IQCM: variants seen among roughly 807,000 people sequenced by gnomAD.
The protein encoded by IQCM is IQ domain-containing protein M.
In IQCM, 45 loss-of-function variants were observed where a neutral mutation model predicts 57.6. The ratio of observed to expected loss-of-function variants is 0.78; its 90% CI spans 0.62 to 1.00. The LOEUF (loss-of-function observed/expected upper bound fraction) is 1.00. Ranked by LOEUF, IQCM falls within the 50% of genes least tolerant of loss-of-function variation. The pLI, the probability that IQCM is intolerant of heterozygous loss-of-function variation, is 0.00. For missense variants in IQCM, 468 were observed against 511.6 expected (o/e 0.91, Z 0.82); for synonymous variants, 148 against 158.9 (o/e 0.93, Z 0.51).
chr4:149,735,286 A>T, intron 4 of IQCM, 90 bp downstream of exon 4: 1 of 530,064 alleles, frequency 1.9e-6, no homozygotes. Context: ...TTATTCTATC[A>T]TATCTTAGGG....
chr4:149,493,106 G>A (rs565324866), intron 12 of IQCM, among the ~76,000 whole-genome samples: 2 of 152,180 alleles, frequency 1.3e-5, no homozygotes, highest in South Asian at 4.1e-4. Context: ...GGTTAACCAG[G>A]ATCACCCATG....
At chr4:149,812,861 C>G (rs1774713343) in intron 2 of IQCM, among the ~76,000 whole-genome samples, 1 of 152,122 alleles carries the variant, frequency 6.6e-6, no homozygotes, top group Admixed American at 6.6e-5. Context: ...GGTGACAATG[C>G]AGACCTCTCT....
At chr4:149,699,306 C>G (rs1763578828) in intron 5 of IQCM, among the ~76,000 whole-genome samples, 1 of 151,794 alleles carries the variant, frequency 6.6e-6, no homozygotes, top group Non-Finnish European at 1.5e-5. Context: ...ACACTCTTCC[C>G]CAAAAAAGGA....
At chr4:149,508,941 C>T (rs530399250) in intron 12 of IQCM, among the ~76,000 whole-genome samples, 10 of 152,206 alleles carry the variant, frequency 6.6e-5, no homozygotes, top group South Asian at 2.1e-4. Flanking sequence ...CTCAGGAGAT[C>T]GGATGGTTTT....
chr4:149,768,953 T>C (rs1324245198), intron 2 of IQCM, among the ~76,000 whole-genome samples: 3 of 152,118 alleles, frequency 2.0e-5, no homozygotes, highest in African/African-American at 7.2e-5. Flanking sequence ...ACATTTAAGC[T>C]ATCTGAGGTA....
intron 7 of IQCM, among the ~76,000 whole-genome samples, chr4:149,662,606 T>C (rs1179189803): frequency 6.6e-6 from 1 of 152,044 alleles, no homozygotes; most frequent in Non-Finnish European, 1.5e-5. Flanking sequence ...GGTGAATATA[T>C]ATTTACAATT....
At chr4:149,667,421 T>G (rs543347574) in intron 7 of IQCM, among the ~76,000 whole-genome samples, 1 of 152,068 alleles carries the variant, frequency 6.6e-6, no homozygotes, top group South Asian at 2.1e-4. Flanking sequence ...AAACCCTATC[T>G]GAAGGTCACC....
intron 9 of IQCM, among the ~76,000 whole-genome samples, chr4:149,577,457 A>G (rs780574198): frequency 2.0e-5 from 3 of 152,022 alleles, no homozygotes; most frequent in Non-Finnish European, 4.4e-5. Context: ...ATAGCTAGGC[A>G]ATTATCCCAG....
chr4:149,383,848 G>A (rs918472481), intron 13 of IQCM, among the ~76,000 whole-genome samples: 18 of 152,058 alleles, frequency 1.2e-4, no homozygotes, highest in Non-Finnish European at 4.4e-5. Flanking sequence ...GCTAATTCAG[G>A]AGGCTGAGGC....
At chr4:149,690,862 C>G (rs939147199) in intron 5 of IQCM, 1 of 152,050 alleles carries the variant, frequency 6.6e-6, no homozygotes, top group African/African-American at 2.4e-5. Context: ...GCAACTTTCC[C>G]AAGATCCTTT....
chr4:149,784,733 TC>T (rs1158463152), intron 2 of IQCM, among the ~76,000 whole-genome samples: 1 of 152,128 alleles, frequency 6.6e-6, no homozygotes, highest in Non-Finnish European at 1.5e-5. Context: ...GTAAATCTTA[TC>T]CCCAACCAAT....
At position 149,691,020 on chromosome 4, in the gene IQCM, T is replaced by G. The variant is rs573994209; in HGVS notation, c.386-4552A>C. On this transcript the variant is annotated intron_variant, in intron 5 of 13. Transcript: ENST00000636793. ...ACTATAAAGCTCAGAGGACACACTT[T>G]ATATAAAGACACGTGGTATGTTAAG... 3.9e-5 allele frequency: 6 copies of G among 152,266 alleles called. No individual in the cohort carries two copies. The East Asian group carries it at 1.2e-3, about 29-fold the overall frequency. 9.4% of individuals were successfully genotyped at this position (152,266 alleles called of 1,614,324 possible). A position where few individuals can be genotyped will look rare whatever the true frequency, so the allele number is the denominator to read the frequency against.
At chr4:149,728,227 C>G (rs1160288696) in intron 5 of IQCM, among the ~76,000 whole-genome samples, 1 of 152,230 alleles carries the variant, frequency 6.6e-6, no homozygotes, top group Non-Finnish European at 1.5e-5. Context: ...GCAATTGCCT[C>G]AAACTTCCCA....
chr4:149,471,944 T>A (rs1739605234), intron 12 of IQCM, among the ~76,000 whole-genome samples: 1 of 152,140 alleles, frequency 6.6e-6, no homozygotes, highest in South Asian at 2.1e-4. Context: ...AGACTCTCAA[T>A]AAACTAGGTA....
chr4:149,408,206 T>C (rs954926983), intron 13 of IQCM, among the ~76,000 whole-genome samples: 1 of 152,178 alleles, frequency 6.6e-6, no homozygotes, highest in Non-Finnish European at 1.5e-5. Flanking sequence ...GAAAACCAGG[T>C]ATTTTTCTAC....
intron 12 of IQCM, among the ~76,000 whole-genome samples, chr4:149,450,956 TAA>T (rs890430671): frequency 4.0e-5 from 6 of 151,698 alleles, no homozygotes; most frequent in African/African-American, 1.5e-4. Flanking sequence ...AAAATTTGGC[TAA>T]GTGTCCATTA....
intron 13 of IQCM, among the ~76,000 whole-genome samples, chr4:149,359,259 T>G (rs1247956947): frequency 1.3e-5 from 2 of 152,178 alleles, no homozygotes; most frequent in African/African-American, 4.8e-5. Context: ...TAACCCATAG[T>G]GTGTTACAAT....
intron 12 of IQCM, among the ~76,000 whole-genome samples, chr4:149,472,104 T>C (rs1739629624): frequency 6.6e-6 from 1 of 152,166 alleles, no homozygotes; most frequent in African/African-American, 2.4e-5. Flanking sequence ...TAACATAGTG[T>C]TGGAAGTTCT....
chr4:149,776,516 C>T (rs900753573), intron 2 of IQCM, among the ~76,000 whole-genome samples: 1 of 152,074 alleles, frequency 6.6e-6, no homozygotes. Context: ...TCTATAATCA[C>T]AACTTGAAAG....
Sources: gnomAD v4.1 joint callset for allele counts (sites outside exome capture counted in the v4.1 genomes callset) on GRCh38, gnomAD v4.1.1 for gene constraint, MANE v1.5 for transcripts, NCBI Gene and HGNC (gene_info 2026-07-23, HGNC 2026-07-21) for gene names.